The following ARHGEF4 variants were observed in gnomAD, a reference collection of about 807,000 sequenced individuals.
ARHGEF4 encodes APC-stimulated guanine nucleotide exchange factor 1.
ARHGEF4 carries 119 observed loss-of-function variants against 162.0 expected under a neutral mutation model. The ratio of observed to expected loss-of-function variants is 0.73; its 90% CI spans 0.63 to 0.86. ARHGEF4 has a LOEUF of 0.86. Ranked by LOEUF, ARHGEF4 falls within the 40% of genes least tolerant of loss-of-function variation. The pLI is 0.00. For synonymous variants in ARHGEF4, 1,014 were observed against 979.9 expected (o/e 1.03, Z -0.65); for missense variants, 2,488 against 2,456.0 (o/e 1.01, Z -0.28).
chr2:130,959,300 CATAGAAGG>C (rs1264252020), intron 4 of ARHGEF4, among the ~76,000 whole-genome samples: 87 of 152,256 alleles, frequency 5.7e-4, no homozygotes, highest in African/African-American at 1.9e-3. Flanking sequence ...ATGTTCTGCA[CATAGAAGG>C]TTTACAGTGT....
At chr2:130,936,764 T>C (rs1047802491) in intron 3 of ARHGEF4, among the ~76,000 whole-genome samples, 1 of 152,196 alleles carries the variant, frequency 6.6e-6, no homozygotes, top group Non-Finnish European at 1.5e-5. Flanking sequence ...TAAGTCTTTA[T>C]GTTTATCCAT....
At chr2:130,877,382 C>A (rs983271397) in intron 1 of ARHGEF4, among the ~76,000 whole-genome samples, 29 of 152,218 alleles carry the variant, frequency 1.9e-4, no homozygotes, top group African/African-American at 6.5e-4. Flanking sequence ...CTAATTCACA[C>A]ATGCATTGCT....
At position 130,860,668 on chromosome 2, in the gene ARHGEF4, T is replaced by C. The variant is rs1237182439; in HGVS notation, c.39+23676T>C. 3.4e-5 allele frequency among the ~76,000 whole-genome samples: 4 copies of C among 118,268 alleles called. 1 individual carries two copies. The highest frequency in any genetic ancestry group is 4.8e-5 in the Non-Finnish European group (3 of 62,194). The allele number at this position is 118,268 out of a possible 152,430, so 77.6% of individuals were successfully genotyped here. A position where few individuals can be genotyped will look rare whatever the true frequency, so the allele number is the denominator to read the frequency against. ...AAGCTTGCGGTGAGCCGAGATCGCG[T>C]CACTGCACTCCAGCCTGGGCGACAG... On this transcript the variant is annotated intron_variant, in intron 1 of 13. Transcript: ENST00000409359.
At chr2:130,868,903 G>A (rs1278182936) in intron 1 of ARHGEF4, among the ~76,000 whole-genome samples, 1 of 152,192 alleles carries the variant, frequency 6.6e-6, no homozygotes, top group Admixed American at 6.5e-5. Context: ...TTGGCTTATG[G>A]CACCCCCGTC....
chr2:131,004,974 G>T (rs1349993963), intron 4 of ARHGEF4, among the ~76,000 whole-genome samples: 1 of 152,172 alleles, frequency 6.6e-6, no homozygotes, highest in Non-Finnish European at 1.5e-5. Flanking sequence ...AAAGCTTGTG[G>T]TTGGTGCCCT....
At chr2:131,021,740 T>G (rs1689151543) in intron 4 of ARHGEF4, among the ~76,000 whole-genome samples, 1 of 152,236 alleles carries the variant, frequency 6.6e-6, no homozygotes, top group Non-Finnish European at 1.5e-5. Flanking sequence ...CCTTGTCTCG[T>G]TCCTCATCTT....
rs1018306192 is a variant in ARHGEF4, at chr2:130,914,923, T to C, written c.977T>C (p.Leu326Pro). The change falls in exon 2 of 14, where the codon CTC becomes CCC. Residue 326 changes from leucine to proline, a missense_variant. Physicochemically the swap from Leu to Pro is moderately conservative, Grantham distance 98 (BLOSUM62 -3). Transcript: ENST00000409359. The part of the protein sequence containing the change: ...TGDKNRASPR[L>P]NCGHMRALVR... ...GACAAGAACAGGGCATCCCCCAGAC[T>C]CAACTGTGGGCACATGAGGGCACTG... is the stretch of plus-strand genomic sequence containing the variant. 1.3e-6 allele frequency: 2 copies of C among 1,533,910 alleles called. No individual in the cohort carries two copies. The highest frequency in any genetic ancestry group is 4.0e-5 in the Admixed American group (2 of 49,872).
At chr2:130,946,872 G>A (rs1025331752) in intron 4 of ARHGEF4, 8 of 403,172 alleles carry the variant, frequency 2.0e-5, no homozygotes, top group African/African-American at 1.4e-4. Flanking sequence ...AGAGGCTGAA[G>A]CAGGCGGATC....
chr2:130,892,395 C>G (rs183020331), intron 1 of ARHGEF4, among the ~76,000 whole-genome samples: 7 of 152,296 alleles, frequency 4.6e-5, no homozygotes, highest in African/African-American at 1.7e-4. Context: ...AGTTAAAGAG[C>G]CCATCCCACA....
intron 1 of ARHGEF4, among the ~76,000 whole-genome samples, chr2:130,909,147 C>A (rs1681022922): frequency 6.6e-6 from 1 of 152,168 alleles, no homozygotes; most frequent in Admixed American, 6.5e-5. Flanking sequence ...GTATCTGATA[C>A]AGCGTCATCC....
chr2:130,899,413 C>T (rs1227113374), intron 1 of ARHGEF4, among the ~76,000 whole-genome samples: 3 of 152,176 alleles, frequency 2.0e-5, no homozygotes, highest in Non-Finnish European at 4.4e-5. Context: ...TCGCTGAAGC[C>T]AGGGCAGTTC....
At chr2:130,976,238 A>T (rs1685695634) in intron 4 of ARHGEF4, among the ~76,000 whole-genome samples, 1 of 152,096 alleles carries the variant, frequency 6.6e-6, no homozygotes, top group Admixed American at 6.6e-5. Flanking sequence ...GGGATCCATG[A>T]GTCAGATATG....
chr2:131,032,244 G>C (rs1344733895), intron 5 of ARHGEF4, among the ~76,000 whole-genome samples: 1 of 151,944 alleles, frequency 6.6e-6, no homozygotes, highest in Non-Finnish European at 1.5e-5. Flanking sequence ...CCTGGGGACA[G>C]ATGTCCCCAG....
At chr2:130,882,134 C>G (rs914286094) in intron 1 of ARHGEF4, among the ~76,000 whole-genome samples, 1 of 152,134 alleles carries the variant, frequency 6.6e-6, no homozygotes, top group Non-Finnish European at 1.5e-5. Flanking sequence ...CTATTCTCAG[C>G]TCCTTTCACA....
Position 130,840,154 on chromosome 2 carries a change from C to T in ARHGEF4, c.39+3162C>T, listed in dbSNP as rs868709316. On this transcript the variant is annotated intron_variant, in intron 1 of 13. Transcript: ENST00000409359. ...ACATAGGTATACATATGGGCACACA[C>T]ACACACAGGCATACACACTTGGGAC... Among the ~76,000 whole-genome samples the T allele has an allele frequency of 7.9e-5, 12 of 152,232 alleles. 1 individual carries two copies. The South Asian group carries it at 2.5e-3, about 32-fold the overall frequency.
At chr2:131,020,797 C>T (rs907182420) in intron 4 of ARHGEF4, among the ~76,000 whole-genome samples, 1 of 152,188 alleles carries the variant, frequency 6.6e-6, no homozygotes, top group African/African-American at 2.4e-5. Flanking sequence ...AACTAGTTTA[C>T]AGTCCCACCA....
At chr2:130,864,550 C>G (rs1682129945) in intron 1 of ARHGEF4, among the ~76,000 whole-genome samples, 1 of 152,168 alleles carries the variant, frequency 6.6e-6, no homozygotes, top group Admixed American at 6.5e-5. Context: ...CATGGGAAAT[C>G]CCTTCTCTAC....
In ARHGEF4 at chr2:130,915,744, G is replaced by C; in HGVS notation, c.1798G>C (p.Gly600Arg). 6.5e-7 allele frequency: 1 copy of C among 1,543,712 alleles called. No individual in the cohort carries two copies. The highest frequency in any genetic ancestry group is 8.7e-7 in the Non-Finnish European group (1 of 1,143,172). Residue 600 changes from glycine to arginine, a missense_variant, in exon 2 of 14, where the codon GGG becomes CGG. Around this residue, in one of 6 missense-constraint regions of ARHGEF4, gnomAD observed 1,642 missense variants for 1,481.5 expected, o/e 1.11. Coordinates refer to ENST00000409359, the MANE Select transcript of ARHGEF4 (RefSeq NM_001367493.1). Reference protein sequence around the residue: ...KAATVSHCGPGAEEGEQGPGG... With the variant: ...KAATVSHCGPRAEEGEQGPGG... ...AGCCACGGTGTCTCACTGCGGCCCC[G>C]GGGCTGAGGAGGGTGAACAGGGGCC...
rs139016310 is a variant in ARHGEF4 at position 131,008,468 on chromosome 2, A to G, written c.3986-19477A>G. ...ACCAACATCCAGATCAAGAAATAGA[A>G]CATTACCATCACAACAGTCTCTTTC... On this transcript the variant is annotated intron_variant, in intron 4 of 13. Coordinates refer to ENST00000409359, the MANE Select transcript of ARHGEF4 (RefSeq NM_001367493.1). 5.3e-5 allele frequency among the ~76,000 whole-genome samples: 8 copies of G among 152,358 alleles called. No individual in the cohort carries two copies. In the East Asian group the frequency reaches 1.5e-3, roughly 29 times the overall value.
Sources: allele counts gnomAD v4.1 joint callset (sites outside exome capture counted in the v4.1 genomes callset), GRCh38; gene constraint gnomAD v4.1.1; regional missense constraint gnomAD v4.1.1; transcripts MANE v1.5; gene names NCBI Gene and HGNC (gene_info 2026-07-23, HGNC 2026-07-21).